YKT6: variants seen among roughly 807,000 people sequenced by gnomAD.
YKT6 encodes the protein synaptobrevin homolog YKT6.
A neutral mutation model predicts 29.3 loss-of-function variants in YKT6; 12 were observed. That is an observed-to-expected ratio of 0.41 (90% CI 0.26 to 0.66). The LOEUF is 0.66. YKT6 is among the 30% of genes least tolerant of loss of function. The pLI, the probability that YKT6 is intolerant of heterozygous loss-of-function variation, is 0.32. For synonymous variants in YKT6, 86 were observed against 94.3 expected (o/e 0.91, Z 0.51); for missense variants, 188 against 243.8 (o/e 0.77, Z 1.52).
Position 44,211,225 on chromosome 7 carries a change from C to T in YKT6, c.561+101C>T, listed in dbSNP as rs1315246248. 8.2e-6 allele frequency: 9 copies of T among 1,096,914 alleles called. No individual in the cohort carries two copies. The South Asian group carries it at 1.1e-4, about 14-fold the overall frequency. 67.9% of individuals were successfully genotyped at this position (1,096,914 alleles called of 1,614,324 possible). On this transcript the variant is annotated intron_variant, in intron 6 of 6. Coordinates refer to ENST00000223369, the MANE Select transcript of YKT6 (RefSeq NM_006555.4). Reference sequence around the variant, plus strand: ...CCACTATGAACGGGTCTTTCTTAGACTGTTGAATCATGGTGGATGATTCCT... The same window carrying T: ...CCACTATGAACGGGTCTTTCTTAGATTGTTGAATCATGGTGGATGATTCCT...
intron 6 of YKT6, 112 bp from the exon 7 acceptor site, chr7:44,212,135 G>C: frequency 7.5e-7 from 1 of 1,331,046 alleles, no homozygotes. Flanking sequence ...TCTAGTGCTA[G>C]TTTCTCTGCC....
At chr7:44,205,142 C>G (rs1313135185) in intron 2 of YKT6, among the ~76,000 whole-genome samples, 1 of 152,206 alleles carries the variant, frequency 6.6e-6, no homozygotes, top group Non-Finnish European at 1.5e-5. Context: ...GGACAAAGAT[C>G]ATCTCACACT....
intron 3 of YKT6, among the ~76,000 whole-genome samples, chr7:44,207,169 T>C (rs978345257): frequency 3.9e-5 from 6 of 152,204 alleles, no homozygotes; most frequent in African/African-American, 1.4e-4. Context: ...TACTTTTGAT[T>C]CTCAGAATAT....
intron 1 of YKT6, among the ~76,000 whole-genome samples, chr7:44,202,564 C>A (rs747730060): frequency 2.6e-5 from 4 of 152,160 alleles, no homozygotes; most frequent in Non-Finnish European, 5.9e-5. Flanking sequence ...GCATAATGTC[C>A]TCAAGGCTCA....
intron 3 of YKT6, among the ~76,000 whole-genome samples, chr7:44,206,906 T>A (rs1396442979): frequency 6.6e-6 from 1 of 152,180 alleles, no homozygotes; most frequent in African/African-American, 2.4e-5. Context: ...ATTCTTTAAA[T>A]TTTTTTGCGT....
In YKT6 at chr7:44,211,988, T is replaced by C. The variant is rs189762352; in HGVS notation, c.562-259T>C. Among the ~76,000 whole-genome samples, 353 of 152,338 alleles carry C rather than the reference T, an allele frequency of 2.3e-3. 2 individuals carry two copies. Among genetic ancestry groups the C allele is most frequent in the African/African-American group, 8.2e-3 (342 of 41,576 alleles). On this transcript the variant is annotated intron_variant, in intron 6 of 6. Transcript: ENST00000223369. ...TAACTGTAGGAATTTTACTCACTTT[T>C]TGATAGCATTAATGGGGTGTGAGAA...
chr7:44,201,034 A>T lies in YKT6; in HGVS notation c.-102A>T. The T allele has an allele frequency of 3.2e-6, 3 of 932,600 alleles. No homozygotes were observed. Among genetic ancestry groups the T allele is most frequent in the Non-Finnish European group, 4.6e-6 (3 of 657,626 alleles). The allele number at this position is 932,600 out of a possible 1,614,324, so 57.8% of individuals were successfully genotyped here. On this transcript the variant is annotated 5_prime_UTR_variant, in exon 1 of 7. Transcript: ENST00000223369. ...TGGCCCCGTCAGCAGCCGGCTGCTGAGAGGCCGGTAGGCGGCGGCGGTCCC... is the reference window on the plus strand; with the variant it reads ...TGGCCCCGTCAGCAGCCGGCTGCTGTGAGGCCGGTAGGCGGCGGCGGTCCC...
rs76961299 is a variant in YKT6 at position 44,209,596 on chromosome 7, C to T, written c.459+1398C>T. Among the ~76,000 whole-genome samples, 800 of 152,340 alleles carry T rather than the reference C, an allele frequency of 5.3e-3. 7 individuals are homozygous for T. Among genetic ancestry groups the T allele is most frequent in the African/African-American group, 0.019 (771 of 41,572 alleles). Reference sequence around the variant, plus strand: ...TTGTAAAATCTAGATGATTGGTGTGCATATCTGAATCAGTTAACTTTCTGT... The same window carrying T: ...TTGTAAAATCTAGATGATTGGTGTGTATATCTGAATCAGTTAACTTTCTGT... On this transcript the variant is annotated intron_variant, in intron 5 of 6. Transcript: ENST00000223369.
chr7:44,212,026 A>G (rs774748601), intron 6 of YKT6, among the ~76,000 whole-genome samples: 1 of 152,224 alleles, frequency 6.6e-6, no homozygotes, highest in African/African-American at 2.4e-5. Flanking sequence ...GAAAGGAAAA[A>G]GGATCCCAGA....
At chr7:44,206,617 C>T in intron 3 of YKT6, 132 bp downstream of exon 3, 2 of 839,338 alleles carry the variant, frequency 2.4e-6, no homozygotes, top group Non-Finnish European at 3.9e-6. Flanking sequence ...CATTTTTCAG[C>T]CCCCTTCCCT....
In YKT6 at chr7:44,201,608, A is replaced by C. The variant is rs183188966; in HGVS notation, c.104+369A>C. 7.4e-4 allele frequency among the ~76,000 whole-genome samples: 112 copies of C among 152,306 alleles called. No homozygotes were observed. In the East Asian group the frequency reaches 0.019, roughly 26 times the overall value. The stretch of plus-strand genomic sequence containing the variant: ...TGTAAAAATTTTAAGGAGACTGTGA[A>C]GTAGTGCAGATTTCCAAGCTTCATG... On this transcript the variant is annotated intron_variant, in intron 1 of 6. Transcript: ENST00000223369.
In YKT6 at chr7:44,214,160, C is replaced by T. The variant is rs1185587933; in HGVS notation, c.*1878C>T. ...TGAGATAGAGGGCCCAGCCCAGCCC[C>T]ACCCACAGATCCCCTGCTCCTGTTG... On this transcript the variant is annotated 3_prime_UTR_variant, in exon 7 of 7. Coordinates refer to ENST00000223369, the MANE Select transcript of YKT6 (RefSeq NM_006555.4). 1.3e-5 allele frequency: 2 copies of T among 152,268 alleles called. No homozygotes were observed. The highest frequency in any genetic ancestry group is 2.9e-5 in the Non-Finnish European group (2 of 68,066). The allele number at this position is 152,268 out of a possible 1,614,324, so 9.4% of individuals were successfully genotyped here. A position where few individuals can be genotyped will look rare whatever the true frequency, so the allele number is the denominator to read the frequency against.
chr7:44,208,075 GT>G, intron 4 of YKT6, 57 bp from the exon 5 acceptor site: 1 of 1,575,782 alleles, frequency 6.3e-7, no homozygotes, highest in South Asian at 1.1e-5. Flanking sequence ...TCAGTTTTAG[GT>G]TTTGTTTGCA....
intron 2 of YKT6, among the ~76,000 whole-genome samples, chr7:44,205,557 C>A (rs1178446478): frequency 6.6e-6 from 1 of 152,186 alleles, no homozygotes; most frequent in African/African-American, 2.4e-5. Flanking sequence ...ATTCCCTCCT[C>A]TTTTATTTGT....
intron 5 of YKT6, 131 bp downstream of exon 5, chr7:44,208,329 C>T: frequency 1.1e-6 from 1 of 922,030 alleles, no homozygotes. Flanking sequence ...GTGGGATTGC[C>T]CACCCCTTCC....
At chr7:44,210,931 G>A (rs2128840707) in intron 5 of YKT6, 92 bp from the exon 6 acceptor site, 1 of 1,353,642 alleles carries the variant, frequency 7.4e-7, no homozygotes, top group Middle Eastern at 1.9e-4. Flanking sequence ...GAGGAACCCA[G>A]GTAAGGCACT....
intron 5 of YKT6, among the ~76,000 whole-genome samples, chr7:44,210,077 G>T (rs1168826766): frequency 6.6e-6 from 1 of 150,560 alleles, no homozygotes; most frequent in Admixed American, 6.6e-5. Flanking sequence ...TATAAAACTT[G>T]TTTTTTTTTC....
chr7:44,204,197 C>G (rs181378268), intron 1 of YKT6, among the ~76,000 whole-genome samples: 1 of 152,326 alleles, frequency 6.6e-6, no homozygotes, highest in East Asian at 1.9e-4. Context: ...TAGTGCAGTT[C>G]TTATAAATGT....
chr7:44,210,847 G>C (rs1465569212), intron 5 of YKT6, 176 bp from the exon 6 acceptor site: 1 of 677,512 alleles, frequency 1.5e-6, no homozygotes, highest in South Asian at 1.5e-5. Context: ...ACCAGGTTCT[G>C]TTCCATCCAC....
Sources: gnomAD v4.1 joint callset for allele counts (sites outside exome capture counted in the v4.1 genomes callset) on GRCh38, gnomAD v4.1.1 for gene constraint, MANE v1.5 for transcripts, NCBI Gene and HGNC (gene_info 2026-07-23, HGNC 2026-07-21) for gene names.